RBFOX1: variants seen among roughly 807,000 people sequenced by gnomAD.
RBFOX1 encodes the protein RNA binding fox-1 homolog 1.
Under a neutral mutation model 57.7 loss-of-function variants are expected in RBFOX1, and 8 were observed. The ratio of observed to expected loss-of-function variants is 0.14; its 90% CI spans 0.08 to 0.25. The LOEUF (loss-of-function observed/expected upper bound fraction) is 0.25. Ranked by LOEUF, RBFOX1 falls within the 10% of genes least tolerant of loss-of-function variation. The probability of loss-of-function intolerance (pLI) is 1.00; values close to 1 mark genes in which losing one functional copy is unlikely to be tolerated. For synonymous variants in RBFOX1, 326 were observed against 222.4 expected, an observed-to-expected ratio of 1.47 and a Z score of -4.15; for missense variants, 611 against 548.5, an observed-to-expected ratio of 1.11 and a Z score of -1.14.
chr16:6,445,190 A>C (rs1320474283), intron 2 of RBFOX1, among the ~76,000 whole-genome samples: 1 of 152,126 alleles, frequency 6.6e-6, no homozygotes, highest in African/African-American at 2.4e-5. Flanking sequence ...GAGAGAACAG[A>C]CTGCAGAAAT....
chr16:6,443,860 A>G (rs1311517111), intron 2 of RBFOX1, among the ~76,000 whole-genome samples: 1 of 151,924 alleles, frequency 6.6e-6, no homozygotes, highest in Non-Finnish European at 1.5e-5. Context: ...CCATCCATCC[A>G]TCCATCCATC....
intron 1 of RBFOX1, among the ~76,000 whole-genome samples, chr16:5,381,085 A>G (rs904681351): frequency 5.3e-5 from 8 of 152,224 alleles, no homozygotes; most frequent in African/African-American, 1.9e-4. Context: ...AGTGTGAAAT[A>G]GATACGCCAC....
At chr16:6,501,386 T>A (rs12596915) in intron 2 of RBFOX1, among the ~76,000 whole-genome samples, 1 of 149,432 alleles carries the variant, frequency 6.7e-6, no homozygotes, top group African/African-American at 2.5e-5. Context: ...TGAGAACATG[T>A]GGTGTTTGTT....
intron 3 of RBFOX1, among the ~76,000 whole-genome samples, chr16:6,914,716 A>G (rs1392621112): frequency 6.6e-6 from 1 of 152,178 alleles, no homozygotes; most frequent in Non-Finnish European, 1.5e-5. Flanking sequence ...TGTACCAATA[A>G]GCTGAAAATT....
chr16:5,941,438 T>G (rs2059275761), intron 4 of RBFOX1, among the ~76,000 whole-genome samples: 1 of 151,406 alleles, frequency 6.6e-6, no homozygotes, highest in African/African-American at 2.4e-5. Flanking sequence ...TGCAGTGAGC[T>G]ATGATAGCTC....
At chr16:5,631,589 C>G (rs1303734409) in intron 3 of RBFOX1, among the ~76,000 whole-genome samples, 1 of 151,964 alleles carries the variant, frequency 6.6e-6, no homozygotes, top group Non-Finnish European at 1.5e-5. Flanking sequence ...TTCTATGTAT[C>G]CATTACATTT....
chr16:6,668,143 G>C (rs2098743933), intron 3 of RBFOX1, among the ~76,000 whole-genome samples: 1 of 152,182 alleles, frequency 6.6e-6, no homozygotes, highest in Non-Finnish European at 1.5e-5. Flanking sequence ...AAAGAGTATA[G>C]AGTTGAGAGC....
Position 6,452,332 on chromosome 16 carries a change from TTCCATGGCTCCA to T in RBFOX1, c.-64+135287_-64+135298del, listed in dbSNP as rs1455368444. 3.3e-5 allele frequency among the ~76,000 whole-genome samples: 5 copies of T among 151,586 alleles called. No individual in the cohort carries two copies. In the East Asian group the frequency reaches 7.8e-4, roughly 24 times the overall value. On this transcript the variant is annotated intron_variant, in intron 2 of 15. Coordinates refer to ENST00000550418, the MANE Select transcript of RBFOX1 (RefSeq NM_018723.4). ...CATGACTCTATCCATGGTCCCTTCC[TTCCATGGCTCCA>T]TCCATGGCTCCTTCCTTCCCTGGCT...
At chr16:5,599,493 C>T (rs972354180) in exon 3 of RBFOX1, 12 of 473,410 alleles carry the variant, frequency 2.5e-5, no homozygotes, top group African/African-American at 2.1e-4. Flanking sequence ...CCAGGAAGTT[C>T]CCTGCACAGA....
intron 4 of RBFOX1, among the ~76,000 whole-genome samples, chr16:7,259,367 C>T (rs1422168430): frequency 6.6e-6 from 1 of 152,068 alleles, no homozygotes; most frequent in Non-Finnish European, 1.5e-5. Context: ...GGGTTCCAGT[C>T]GTTCAGCACA....
intron 4 of RBFOX1, among the ~76,000 whole-genome samples, chr16:7,315,738 G>T (rs758582285): frequency 6.6e-6 from 1 of 152,016 alleles, no homozygotes; most frequent in African/African-American, 2.4e-5. Flanking sequence ...CAGGTGTCCA[G>T]CAAATGCACT....
chr16:6,301,544 G>C (rs1201974059), intron 1 of RBFOX1, among the ~76,000 whole-genome samples: 1 of 152,098 alleles, frequency 6.6e-6, no homozygotes, highest in African/African-American at 2.4e-5. Flanking sequence ...ACTCCATGTT[G>C]TGAAGATTTT....
At chr16:7,193,354 G>A (rs559455479) in intron 4 of RBFOX1, among the ~76,000 whole-genome samples, 3 of 152,302 alleles carry the variant, frequency 2.0e-5, no homozygotes, top group African/African-American at 7.2e-5. Flanking sequence ...AGAACCTCCA[G>A]AAAAGAACAT....
At chr16:7,304,560 C>T (rs185485163) in intron 4 of RBFOX1, 12 of 985,324 alleles carry the variant, frequency 1.2e-5, no homozygotes, top group African/African-American at 1.0e-4. Flanking sequence ...TACTGGGCTG[C>T]GCTTCGGTGC....
At chr16:5,474,568 C>G (rs1455978308) in intron 2 of RBFOX1, among the ~76,000 whole-genome samples, 1 of 152,042 alleles carries the variant, frequency 6.6e-6, no homozygotes, top group Non-Finnish European at 1.5e-5. Context: ...GCAGGAGAAT[C>G]TCTTGAACCC....
chr16:5,457,860 G>A (rs1192432319), intron 1 of RBFOX1, among the ~76,000 whole-genome samples: 2 of 152,158 alleles, frequency 1.3e-5, no homozygotes, highest in African/African-American at 2.4e-5. Context: ...CTTCCCAGCA[G>A]ATTTTAGCCT....
chr16:5,513,883 A>G (rs2043694251), intron 2 of RBFOX1, among the ~76,000 whole-genome samples: 1 of 152,184 alleles, frequency 6.6e-6, no homozygotes, highest in Non-Finnish European at 1.5e-5. Context: ...GGTGCCAAAA[A>G]TCAGTAATTG....
chr16:5,917,702 T>G (rs1051827197), intron 4 of RBFOX1, among the ~76,000 whole-genome samples: 4 of 152,196 alleles, frequency 2.6e-5, no homozygotes, highest in African/African-American at 9.6e-5. Flanking sequence ...GTTTCTTCCC[T>G]GGATACCTGA....
chr16:7,380,625 A>G (rs1172779748), intron 4 of RBFOX1, among the ~76,000 whole-genome samples: 6 of 152,246 alleles, frequency 3.9e-5, no homozygotes, highest in African/African-American at 1.4e-4. Context: ...TTCAATTCAG[A>G]CGCTGGCAGC....
Sources: gnomAD v4.1 joint callset for allele counts (sites outside exome capture counted in the v4.1 genomes callset) on GRCh38, gnomAD v4.1.1 for gene constraint, MANE v1.5 for transcripts, NCBI Gene and HGNC (gene_info 2026-07-23, HGNC 2026-07-21) for gene names.